TBXAS1: variants seen among roughly 807,000 people sequenced by gnomAD.
TBXAS1 encodes thromboxane-A synthase.
In TBXAS1, 48 loss-of-function variants were observed where a neutral mutation model predicts 60.7. That is an observed-to-expected ratio of 0.79 (90% CI 0.63 to 1.01). The LOEUF is 1.01. TBXAS1 is among the 50% of genes least tolerant of loss of function. The pLI is 0.00. For synonymous variants in TBXAS1, 287 were observed against 269.7 expected (o/e 1.06, Z -0.63); for missense variants, 685 against 686.3 (o/e 1.00, Z 0.02).
At chr7:139,862,495 G>A (rs962488687) in intron 1 of TBXAS1, among the ~76,000 whole-genome samples, 3 of 152,236 alleles carry the variant, frequency 2.0e-5, no homozygotes, top group Admixed American at 6.5e-5. Flanking sequence ...GGAGTGGGGG[G>A]AGGAGAGACT....
At chr7:139,837,821 A>C in intron 1 of TBXAS1, among the ~76,000 whole-genome samples, 1 of 152,184 alleles carries the variant, frequency 6.6e-6, no homozygotes, top group South Asian at 2.1e-4. Flanking sequence ...AAAATAAAAA[A>C]ACAAAAACAA....
intron 4 of TBXAS1, among the ~76,000 whole-genome samples, chr7:139,801,765 C>CATT (rs1239519484): frequency 6.6e-6 from 1 of 151,776 alleles, no homozygotes; most frequent in Non-Finnish European, 1.5e-5. Flanking sequence ...TCTTCCATGT[C>CATT]ATTATTATTA....
intron 3 of TBXAS1, among the ~76,000 whole-genome samples, chr7:139,784,014 T>TG (rs1362185641): frequency 7.6e-6 from 1 of 131,244 alleles, no homozygotes; most frequent in Admixed American, 7.0e-5. Flanking sequence ...TTTTTTTGTT[T>TG]TTTTTTTTTT....
At chr7:140,001,212 A>T (rs1382521787) in intron 9 of TBXAS1, among the ~76,000 whole-genome samples, 1 of 152,220 alleles carries the variant, frequency 6.6e-6, no homozygotes, top group African/African-American at 2.4e-5. Flanking sequence ...CCTTTGAAAC[A>T]GGAGGCAGAG....
intron 4 of TBXAS1, among the ~76,000 whole-genome samples, chr7:139,793,853 A>G (rs1383508172): frequency 6.6e-6 from 1 of 152,230 alleles, no homozygotes; most frequent in Non-Finnish European, 1.5e-5. Flanking sequence ...CTGACTTAGT[A>G]GAAAGTAATC....
rs200064741 is a variant in TBXAS1 at position 139,831,931 on chromosome 7, C to CAAACAAAACA, written c.89+2468_89+2477dup. Among the ~76,000 whole-genome samples, 715 of 152,046 alleles carry CAAACAAAACA rather than the reference C, an allele frequency of 4.7e-3. 4 individuals are homozygous for CAAACAAAACA. Among genetic ancestry groups the CAAACAAAACA allele is most frequent in the African/African-American group, 0.016 (655 of 41,462 alleles). On this transcript the variant is annotated intron_variant, in intron 1 of 12. Coordinates refer to ENST00000448866, the MANE Select transcript of TBXAS1 (RefSeq NM_001061.7). Reference sequence around the variant, plus strand: ...TGGGTGACAAAGAAAGACTCTGTTTCAAACAAAACAAAACAAAACAAAACA... The same window carrying CAAACAAAACA: ...TGGGTGACAAAGAAAGACTCTGTTTCAAACAAAACAAAACAAAACAAAACAAAACAAAACA...
chr7:140,019,115 C>G (rs962665045), intron 12 of TBXAS1, among the ~76,000 whole-genome samples: 6 of 152,230 alleles, frequency 3.9e-5, no homozygotes, highest in Admixed American at 3.9e-4. Context: ...AGCAACAATT[C>G]TAGATTGAGA....
intron 4 of TBXAS1, among the ~76,000 whole-genome samples, chr7:139,823,347 A>C (rs1026140752): frequency 2.0e-5 from 3 of 151,994 alleles, no homozygotes; most frequent in Admixed American, 2.0e-4. Context: ...CCAGGTCCCC[A>C]GTGATTATTC....
chr7:139,959,212 C>A (rs1399752239), intron 8 of TBXAS1, among the ~76,000 whole-genome samples: 1 of 152,180 alleles, frequency 6.6e-6, no homozygotes, highest in African/African-American at 2.4e-5. Flanking sequence ...TGAGAAAAAT[C>A]TCCCAACCAC....
chr7:139,784,011 G>GTTTTTTTTTTTTTT (rs11340240), intron 3 of TBXAS1, among the ~76,000 whole-genome samples: 4 of 132,050 alleles, frequency 3.0e-5, no homozygotes, highest in Non-Finnish European at 4.8e-5. Context: ...AGTTTTTTTT[G>GTTTTTTTTTTTTTT]TTTTTTTTTT....
At chr7:139,873,356 G>C (rs576555339) in intron 2 of TBXAS1, among the ~76,000 whole-genome samples, 1 of 152,316 alleles carries the variant, frequency 6.6e-6, no homozygotes, top group African/African-American at 2.4e-5. Flanking sequence ...CAGGGACATT[G>C]AAATGGACAA....
At chr7:139,812,706 A>G (rs1273086858) in intron 4 of TBXAS1, among the ~76,000 whole-genome samples, 1 of 152,170 alleles carries the variant, frequency 6.6e-6, no homozygotes, top group Admixed American at 6.5e-5. Flanking sequence ...TGCATTGATA[A>G]CACGAGAAGT....
At chr7:139,829,113 G>C (rs1165297347), upstream of TBXAS1, 2 of 533,792 alleles carry the variant, frequency 3.7e-6, no homozygotes, top group East Asian at 8.6e-5. Flanking sequence ...TTTCTTCTCT[G>C]AGGAAGTTAA....
intron 8 of TBXAS1, among the ~76,000 whole-genome samples, chr7:139,958,872 C>G (rs1810092285): frequency 6.6e-6 from 1 of 152,206 alleles, no homozygotes; most frequent in Non-Finnish European, 1.5e-5. Flanking sequence ...AGCTCTGAAG[C>G]CTAAAAGGAC....
chr7:139,996,158 G>A (rs1363056742), intron 9 of TBXAS1, among the ~76,000 whole-genome samples: 2 of 150,480 alleles, frequency 1.3e-5, no homozygotes, highest in Non-Finnish European at 3.0e-5. Context: ...TTAGAGATGG[G>A]GTTTCACTAT....
intron 1 of TBXAS1, among the ~76,000 whole-genome samples, chr7:139,779,873 C>T (rs554265601): frequency 1.3e-5 from 2 of 152,330 alleles, no homozygotes; most frequent in African/African-American, 4.8e-5. Context: ...CCAGTGCCAG[C>T]TTCACCCATC....
At chr7:139,880,397 T>C (rs1005804880) in intron 3 of TBXAS1, among the ~76,000 whole-genome samples, 3 of 152,208 alleles carry the variant, frequency 2.0e-5, no homozygotes, top group Non-Finnish European at 2.9e-5. Flanking sequence ...CCTTGTTGCA[T>C]AACCTCATAT....
chr7:139,809,934 C>A (rs1797985046), intron 4 of TBXAS1, among the ~76,000 whole-genome samples: 1 of 152,158 alleles, frequency 6.6e-6, no homozygotes, highest in African/African-American at 2.4e-5. Context: ...CAAGGTGACA[C>A]CTAAAATTAA....
intron 3 of TBXAS1, among the ~76,000 whole-genome samples, chr7:139,888,100 G>A (rs926165286): frequency 2.6e-5 from 4 of 152,118 alleles, no homozygotes; most frequent in African/African-American, 4.8e-5. Context: ...GCCAGTAAGC[G>A]CATTTTTAAC....
Sources: gnomAD v4.1 joint callset for allele counts (sites outside exome capture counted in the v4.1 genomes callset) on GRCh38, gnomAD v4.1.1 for gene constraint, MANE v1.5 for transcripts, NCBI Gene and HGNC (gene_info 2026-07-23, HGNC 2026-07-21) for gene names.